Variants in CDC42BPB observed in about 807,000 individuals in gnomAD.
CDC42BPB encodes the protein serine/threonine-protein kinase MRCK beta.
In CDC42BPB, 37 loss-of-function variants were observed where a neutral mutation model predicts 214.9. The ratio of observed to expected loss-of-function variants is 0.17; its 90% confidence interval spans 0.13 to 0.23. CDC42BPB has a LOEUF of 0.23. Ranked by LOEUF, CDC42BPB falls within the 10% of genes least tolerant of loss-of-function variation. The pLI is 1.00. For synonymous variants in CDC42BPB, 931 were observed against 884.0 expected (o/e 1.05, Z -0.94); for missense variants, 1,694 against 2,227.0 (o/e 0.76, Z 4.82).
chr14:102,946,002 C>T (rs561439326), intron 28 of CDC42BPB, among the ~76,000 whole-genome samples: 5 of 152,040 alleles, frequency 3.3e-5, no homozygotes, highest in East Asian at 1.9e-4. Context: ...CTGTACTGTC[C>T]GCACAGGTCA....
chr14:103,020,335 C>A (rs368495000), intron 1 of CDC42BPB, among the ~76,000 whole-genome samples: 1 of 152,202 alleles, frequency 6.6e-6, no homozygotes, highest in African/African-American at 2.4e-5. Context: ...CCACCCACAG[C>A]GTGGTTCTCT....
At chr14:103,049,862 C>T (rs895402555) in intron 1 of CDC42BPB, among the ~76,000 whole-genome samples, 5 of 152,140 alleles carry the variant, frequency 3.3e-5, no homozygotes, top group Admixed American at 2.0e-4. Context: ...TACAGGCGTG[C>T]GCCACCAGCC....
Position 102,972,107 on chromosome 14 carries a change from C to T in CDC42BPB, c.1696G>A (p.Ala566Thr). The T allele has an allele frequency of 6.2e-7, 1 of 1,614,276 alleles. No individual in the cohort carries two copies. The highest frequency in any genetic ancestry group is 1.1e-5 in the South Asian group (1 of 91,090). ...LKSQAKELKD[A>T]HQQRKLALQE... ...AGGGCCAGCTTTCGCTGCTGATGGG[C>T]ATCTTTGAGTTCCTTGGCCTGGGAT... The change falls in exon 13 of 37, where the codon GCC becomes ACC. Residue 566 changes from alanine (A) to threonine (T), a missense_variant. Transcript: ENST00000361246.
chr14:102,985,421 T>C (rs1894200378), intron 6 of CDC42BPB, among the ~76,000 whole-genome samples: 1 of 151,980 alleles, frequency 6.6e-6, no homozygotes, highest in Non-Finnish European at 1.5e-5. Flanking sequence ...GGGTAACCCA[T>C]GCTCTGGTTA....
chr14:102,985,765 C>T (rs1294323158), intron 6 of CDC42BPB, among the ~76,000 whole-genome samples: 1 of 152,202 alleles, frequency 6.6e-6, no homozygotes, highest in Non-Finnish European at 1.5e-5. Flanking sequence ...GAAAAGACTC[C>T]AAACATGTAA....
chr14:102,991,506 A>T (rs1407349628), intron 5 of CDC42BPB, among the ~76,000 whole-genome samples: 1 of 152,258 alleles, frequency 6.6e-6, no homozygotes, highest in Non-Finnish European at 1.5e-5. Context: ...AAAATACTGT[A>T]AGAGATGCTC....
Position 103,001,606 on chromosome 14 carries a change from C to T in CDC42BPB, c.448-1893G>A, listed in dbSNP as rs947720195. Among the ~76,000 whole-genome samples the T allele has an allele frequency of 6.6e-6, 1 of 152,206 alleles. No individual in the cohort carries two copies. Among genetic ancestry groups the T allele is most frequent in the Non-Finnish European group, 1.5e-5 (1 of 68,018 alleles). On this transcript the variant is annotated intron_variant, in intron 4 of 36. Coordinates refer to ENST00000361246, the MANE Select transcript of CDC42BPB (RefSeq NM_006035.4). The surrounding 1 kb of genome is among the most constrained non-coding windows in gnomAD (Gnocchi z 5.8). Reference sequence around the variant, plus strand: ...GTGAGTGGGTGATGTTCCCCAGCTACGTTCAGAAGCCCAGGCACCGAGGTG... The same window carrying T: ...GTGAGTGGGTGATGTTCCCCAGCTATGTTCAGAAGCCCAGGCACCGAGGTG...
At chr14:102,934,074 A>G in intron 36 of CDC42BPB, 1 of 1,268,036 alleles carries the variant, frequency 7.9e-7, no homozygotes, top group Admixed American at 4.3e-5. Flanking sequence ...GGTAATTATC[A>G]TTACAAAAGA....
intron 1 of CDC42BPB, among the ~76,000 whole-genome samples, chr14:103,050,140 A>C (rs1888521918): frequency 6.6e-6 from 1 of 152,232 alleles, no homozygotes; most frequent in Non-Finnish European, 1.5e-5. Flanking sequence ...TAGTTTTGGA[A>C]AGGCAGAGTG....
chr14:102,952,415 G>GCTGC (rs1892530395), intron 24 of CDC42BPB, 83 bp downstream of exon 24: 1 of 825,478 alleles, frequency 1.2e-6, no homozygotes, highest in Admixed American at 2.2e-5. Flanking sequence ...TTGCATCAGG[G>GCTGC]CTGCCCTGGA....
chr14:103,016,276 T>G (rs1344891213), intron 1 of CDC42BPB, among the ~76,000 whole-genome samples: 1 of 152,258 alleles, frequency 6.6e-6, no homozygotes, highest in Non-Finnish European at 1.5e-5. Context: ...GGAACTTCGC[T>G]GCCAGGATGG....
chr14:102,953,870 T>C lies in CDC42BPB; in HGVS notation c.3066+328A>G, dbSNP rs149965926. On this transcript the variant is annotated intron_variant, in intron 23 of 36. Coordinates refer to ENST00000361246, the MANE Select transcript of CDC42BPB (RefSeq NM_006035.4). ...GTGCAGGCAGACAAATGAAAATCAA[T>C]GTGGAGAAGTAAGCTGCCTACCTGT... Among the ~76,000 whole-genome samples, 5 of 152,274 alleles carry C rather than the reference T, an allele frequency of 3.3e-5. No individual in the cohort carries two copies. The South Asian group carries it at 8.3e-4, about 25-fold the overall frequency.
intron 21 of CDC42BPB, among the ~76,000 whole-genome samples, chr14:102,959,221 C>G (rs543689633): frequency 6.6e-6 from 1 of 151,032 alleles, no homozygotes; most frequent in African/African-American, 2.4e-5. Flanking sequence ...CACTTGAACC[C>G]GGGAGGCAGA....
chr14:103,023,013 CTT>C (rs1305469571), intron 1 of CDC42BPB, among the ~76,000 whole-genome samples: 1 of 151,414 alleles, frequency 6.6e-6, no homozygotes. Flanking sequence ...TTTTCTTTTC[CTT>C]TTCTTTTTTT....
intron 8 of CDC42BPB, 69 bp downstream of exon 8, chr14:102,980,704 C>T (rs955618956): frequency 3.0e-5 from 43 of 1,449,238 alleles, no homozygotes; most frequent in South Asian, 1.8e-4. Context: ...TGATAAGCAA[C>T]GCCCTCAACA....
At chr14:103,036,967 C>T (rs35074444) in intron 1 of CDC42BPB, among the ~76,000 whole-genome samples, 1,771 of 152,180 alleles carry the variant, frequency 0.012, 41 homozygotes, top group African/African-American at 0.041. Context: ...AGGCCCACAC[C>T]ACCACGTCCA....
chr14:103,050,957 C>A (rs1888570799), intron 1 of CDC42BPB, among the ~76,000 whole-genome samples: 1 of 151,938 alleles, frequency 6.6e-6, no homozygotes, highest in South Asian at 2.1e-4. Context: ...ATTTCTAATT[C>A]CTAAGAAAAA....
chr14:103,040,493 C>CCG (rs1167319571), intron 1 of CDC42BPB, among the ~76,000 whole-genome samples: 1 of 152,050 alleles, frequency 6.6e-6, no homozygotes, highest in African/African-American at 2.4e-5. Context: ...GAGTCTCACT[C>CCG]TGAAGCCCAG....
At position 102,968,708 on chromosome 14, in the gene CDC42BPB, T is replaced by G. The variant is rs1276334854; in HGVS notation, c.2004A>C (p.Gln668His). The G allele has an allele frequency of 6.2e-7, 1 of 1,613,826 alleles. No individual in the cohort carries two copies. Among genetic ancestry groups the G allele is most frequent in the Non-Finnish European group, 8.5e-7 (1 of 1,180,000 alleles). Residue 668 changes from glutamine (Q) to histidine (H), a missense_variant, in exon 15 of 37, where the codon CAA becomes CAC. By Grantham distance (24) the Gln-to-His change is conservative. Coordinates refer to ENST00000361246, the MANE Select transcript of CDC42BPB (RefSeq NM_006035.4). ...AGGTGGCACCCGCTCCCCGGCCTCC[T>G]TGCTTCACCTGAAGACAAAGGTTAA... Reference protein sequence around the residue: ...ESELEALKVKQGGRGAGATLE... With the variant: ...ESELEALKVKHGGRGAGATLE...
Sources: allele counts gnomAD v4.1 joint callset (sites outside exome capture counted in the v4.1 genomes callset), GRCh38; gene constraint gnomAD v4.1.1; non-coding constraint Gnocchi (gnomAD v3.1); transcripts MANE v1.5; gene names NCBI Gene and HGNC (gene_info 2026-07-23, HGNC 2026-07-21).